The following XPR1 variants were observed in gnomAD, a reference collection of about 807,000 sequenced individuals.
XPR1 encodes the protein solute carrier family 53 member 1.
In XPR1, 28 loss-of-function variants were observed where a neutral mutation model predicts 87.5. The ratio of observed to expected loss-of-function variants is 0.32; its 90% CI spans 0.24 to 0.44. The LOEUF (loss-of-function observed/expected upper bound fraction) is 0.44. XPR1 is among the 20% of genes least tolerant of loss of function. The pLI is 1.00. For synonymous variants in XPR1, 300 were observed against 306.1 expected (o/e 0.98, Z 0.21); for missense variants, 559 against 862.3 (o/e 0.65, Z 4.41).
In XPR1 at chr1:180,806,164, C is replaced by T; in HGVS notation, c.550C>T (p.Pro184Ser). 3 of 1,613,250 alleles carry T rather than the reference C, an allele frequency of 1.9e-6. No homozygotes were observed. The highest frequency in any genetic ancestry group is 2.5e-6 in the Non-Finnish European group (3 of 1,179,476). The change falls in exon 5 of 15, where the codon CCA becomes TCA. Residue 184 changes from proline (P) to serine (S), a missense_variant. Pro to Ser is a moderately conservative substitution (Grantham distance 74). Transcript: ENST00000367590. ...GCGAGTGGCTCACGTAGAGGTGGCC[C>T]CATTTTATACATGCAAGAAAATCAA... is the stretch of plus-strand genomic sequence containing the variant. Reference protein sequence around the residue: ...DWRVAHVEVAPFYTCKKINQL... With the variant: ...DWRVAHVEVASFYTCKKINQL...
chr1:180,683,166 C>A (rs557103115), intron 2 of XPR1, among the ~76,000 whole-genome samples: 1 of 150,002 alleles, frequency 6.7e-6, no homozygotes, highest in East Asian at 2.0e-4. Flanking sequence ...CTTCCTGTGA[C>A]CATGTGTTCT....
intron 2 of XPR1, among the ~76,000 whole-genome samples, chr1:180,763,548 T>A (rs982397976): frequency 6.6e-6 from 1 of 152,198 alleles, no homozygotes; most frequent in Non-Finnish European, 1.5e-5. Context: ...TGACCAGTGG[T>A]GAAATAAATG....
At chr1:180,775,100 T>A (rs1648663086) in intron 2 of XPR1, among the ~76,000 whole-genome samples, 1 of 152,162 alleles carries the variant, frequency 6.6e-6, no homozygotes. Flanking sequence ...ATGGCATGGG[T>A]GATTAAGCTT....
chr1:180,824,694 T>G, intron 7 of XPR1, 59 bp from the exon 8 acceptor site: 1 of 1,418,634 alleles, frequency 7.0e-7, no homozygotes, highest in Non-Finnish European at 9.6e-7. Context: ...GACAAAAGAT[T>G]ATTAATTCAA....
At chr1:180,798,877 G>T (rs926133062) in intron 3 of XPR1, among the ~76,000 whole-genome samples, 2 of 152,168 alleles carry the variant, frequency 1.3e-5, no homozygotes, top group African/African-American at 4.8e-5. Context: ...GCCTCCCAGA[G>T]TGTTGGGATT....
At chr1:180,836,435 C>T in intron 10 of XPR1, 87 bp from the exon 11 acceptor site, 1 of 1,436,880 alleles carries the variant, frequency 7.0e-7, no homozygotes, top group African/African-American at 1.4e-5. Flanking sequence ...CTTTTTTAGA[C>T]TTGGTATTAG....
Position 180,691,800 on chromosome 1 carries a change from C to T in XPR1, c.121+9389C>T, listed in dbSNP as rs140254274. On this transcript the variant is annotated intron_variant, in intron 2 of 14. Coordinates refer to ENST00000367590, the MANE Select transcript of XPR1 (RefSeq NM_004736.4). ...TATACGCTTCAATGGACAGGGTCTACTTCAAGCATCTTCTTCCATGTCACC... is the reference window on the plus strand; with the variant it reads ...TATACGCTTCAATGGACAGGGTCTATTTCAAGCATCTTCTTCCATGTCACC... Among the ~76,000 whole-genome samples, 77 of 152,252 alleles carry T rather than the reference C, an allele frequency of 5.1e-4. 1 individual carries two copies. In the East Asian group the frequency reaches 0.014, roughly 27 times the overall value.
chr1:180,825,906 T>G (rs921336475), intron 9 of XPR1, among the ~76,000 whole-genome samples: 1 of 151,976 alleles, frequency 6.6e-6, no homozygotes, highest in Non-Finnish European at 1.5e-5. Context: ...CAAAATTAGC[T>G]GGGGGTGGTG....
chr1:180,676,998 G>C (rs1656389120), intron 1 of XPR1, among the ~76,000 whole-genome samples: 1 of 152,134 alleles, frequency 6.6e-6, no homozygotes, highest in African/African-American at 2.4e-5. Context: ...CACCACTTCT[G>C]GGACCAAATG....
intron 1 of XPR1, among the ~76,000 whole-genome samples, chr1:180,669,872 A>G (rs1656101765): frequency 6.6e-6 from 1 of 152,200 alleles, no homozygotes; most frequent in South Asian, 2.1e-4. Flanking sequence ...ATATACCGTG[A>G]TAAAAGTTAT....
chr1:180,633,040 A>C (rs568254469), intron 1 of XPR1, among the ~76,000 whole-genome samples: 236 of 152,298 alleles, frequency 1.5e-3, no homozygotes, highest in South Asian at 2.9e-3. Context: ...ATTTTCTGCT[A>C]AGTTTTTGCT....
intron 1 of XPR1, among the ~76,000 whole-genome samples, chr1:180,637,367 T>G (rs910657477): frequency 4.6e-5 from 7 of 152,172 alleles, no homozygotes; most frequent in African/African-American, 1.7e-4. Context: ...TTAAAAAGAC[T>G]CCTGTAAAGA....
intron 14 of XPR1, among the ~76,000 whole-genome samples, chr1:180,882,203 G>A (rs1322284369): frequency 6.6e-6 from 1 of 152,120 alleles, no homozygotes; most frequent in Non-Finnish European, 1.5e-5. Context: ...GAGAAACTCT[G>A]GGAAACCAGA....
At chr1:180,827,899 C>T (rs1454978137) in intron 9 of XPR1, among the ~76,000 whole-genome samples, 5 of 137,222 alleles carry the variant, frequency 3.6e-5, no homozygotes, top group Non-Finnish European at 7.7e-5. Flanking sequence ...TTTTTTGAGA[C>T]AGGGTCTGGC....
At chr1:180,642,086 C>T (rs1306815490) in intron 1 of XPR1, among the ~76,000 whole-genome samples, 1 of 152,070 alleles carries the variant, frequency 6.6e-6, no homozygotes, top group African/African-American at 2.4e-5. Flanking sequence ...TTATTATTTA[C>T]CCAACAACAA....
At chr1:180,740,908 G>T (rs930636795) in intron 2 of XPR1, among the ~76,000 whole-genome samples, 1 of 152,120 alleles carries the variant, frequency 6.6e-6, no homozygotes, top group African/African-American at 2.4e-5. Flanking sequence ...ATGGTAAAAG[G>T]GGCATGGAAG....
At chr1:180,699,209 CT>C (rs1168669274) in intron 2 of XPR1, among the ~76,000 whole-genome samples, 6,890 of 132,522 alleles carry the variant, frequency 0.052, 238 homozygotes, top group African/African-American at 0.12. Flanking sequence ...TTTATTCTTT[CT>C]TTTTTTTTTT....
intron 2 of XPR1, among the ~76,000 whole-genome samples, chr1:180,751,619 C>G (rs1342234060): frequency 2.0e-5 from 3 of 152,036 alleles, no homozygotes; most frequent in African/African-American, 7.2e-5. Flanking sequence ...TAAATAAAAT[C>G]ACAATAAAAG....
chr1:180,793,670 A>G (rs966811188), intron 3 of XPR1, among the ~76,000 whole-genome samples: 1 of 152,180 alleles, frequency 6.6e-6, no homozygotes, highest in Non-Finnish European at 1.5e-5. Flanking sequence ...TAGTAGGGGA[A>G]GTGAAATTAA....
Sources: gnomAD v4.1 joint callset for allele counts (sites outside exome capture counted in the v4.1 genomes callset) on GRCh38, gnomAD v4.1.1 for gene constraint, MANE v1.5 for transcripts, NCBI Gene and HGNC (gene_info 2026-07-23, HGNC 2026-07-21) for gene names.